EEF1E1: variants seen among roughly 807,000 people sequenced by gnomAD.
The protein encoded by EEF1E1 is eukaryotic translation elongation factor 1 epsilon-1.
Under a neutral mutation model 19.9 loss-of-function variants are expected in EEF1E1, and 19 were observed. That is an observed-to-expected ratio of 0.95 (90% CI 0.66 to 1.40). The LOEUF (loss-of-function observed/expected upper bound fraction) is 1.40. Among genes scored for constraint, EEF1E1 ranks in the 40% most tolerant of loss-of-function variants. The pLI is 0.00. For missense variants in EEF1E1, 198 were observed against 202.2 expected, an observed-to-expected ratio of 0.98 and a Z score of 0.13; for synonymous variants, 81 against 80.0, an observed-to-expected ratio of 1.01 and a Z score of -0.07.
At chr6:8,099,767 C>A (rs1321283982) in intron 1 of EEF1E1, among the ~76,000 whole-genome samples, 4 of 118,000 alleles carry the variant, frequency 3.4e-5, no homozygotes, top group Admixed American at 7.9e-5. Flanking sequence ...CACACACACA[C>A]ACACACACAC....
intron 2 of EEF1E1, among the ~76,000 whole-genome samples, chr6:8,094,345 C>T (rs1269964136): frequency 1.3e-5 from 2 of 151,756 alleles, no homozygotes; most frequent in Non-Finnish European, 2.9e-5. Flanking sequence ...TCCTGTAATC[C>T]CAACACTTCA....
At chr6:8,101,243 A>AAAAAAATATATAT (rs1271033598) in intron 1 of EEF1E1, among the ~76,000 whole-genome samples, 4 of 58,474 alleles carry the variant, frequency 6.8e-5, no homozygotes, top group African/African-American at 2.4e-4. Context: ...AAAAAAAAAA[A>AAAAAAATATATAT]ATATATATAT....
chr6:8,093,913 T>C (rs1758092899), intron 2 of EEF1E1, among the ~76,000 whole-genome samples: 1 of 151,976 alleles, frequency 6.6e-6, no homozygotes, highest in African/African-American at 2.4e-5. Context: ...TTCTCCTGCC[T>C]CAGCCTCCTG....
At chr6:8,102,320 T>A in intron 1 of EEF1E1, 115 bp downstream of exon 1, 3 of 1,100,984 alleles carry the variant, frequency 2.7e-6, no homozygotes, top group Non-Finnish European at 2.5e-6. Context: ...CGTGGGGAGC[T>A]GGGTAGCAGC....
At chr6:8,078,325 G>A (rs1483419642), downstream of EEF1E1, among the ~76,000 whole-genome samples, 1 of 150,228 alleles carries the variant, frequency 6.7e-6, no homozygotes, top group East Asian at 1.9e-4. Context: ...GAAAGAAGGG[G>A]AACGGCTGGT....
rs1554099258 is a variant in EEF1E1 at position 8,092,868 on chromosome 6, G to GTTGTTTTT, written c.289-2588_289-2587insAAAAACAA. 1.4e-4 allele frequency among the ~76,000 whole-genome samples: 15 copies of GTTGTTTTT among 108,202 alleles called. 2 individuals are homozygous for GTTGTTTTT. Among genetic ancestry groups the GTTGTTTTT allele is most frequent in the Non-Finnish European group, 1.9e-4 (10 of 53,752 alleles). 71.0% of individuals were successfully genotyped at this position (108,202 alleles called of 152,430 possible). On this transcript the variant is annotated intron_variant, in intron 2 of 3. Transcript: ENST00000379715. ...GTTTTGTGTTTTAGTGATAAAGACT[G>GTTGTTTTT]CTTTTTTTTTTTTTTTTTTTTTTTG...
At chr6:8,077,759 C>T (rs1757633317), downstream of EEF1E1, among the ~76,000 whole-genome samples, 1 of 152,170 alleles carries the variant, frequency 6.6e-6, no homozygotes, top group African/African-American at 2.4e-5. Context: ...TTTCGCTTTC[C>T]TATCATCTGT....
downstream of EEF1E1, among the ~76,000 whole-genome samples, chr6:8,075,128 G>A (rs1757561301): frequency 6.6e-6 from 1 of 152,182 alleles, no homozygotes; most frequent in Non-Finnish European, 1.5e-5. Flanking sequence ...ATTTGCAGCA[G>A]TGAATCATGA....
chr6:8,078,733 T>G, downstream of EEF1E1: 1 of 1,285,552 alleles, frequency 7.8e-7, no homozygotes, highest in South Asian at 1.2e-5. Flanking sequence ...AAAACAATCA[T>G]GATTTGCCTG....
intron 2 of EEF1E1, among the ~76,000 whole-genome samples, chr6:8,095,215 T>C (rs1042504074): frequency 6.6e-6 from 1 of 152,300 alleles, no homozygotes; most frequent in Non-Finnish European, 1.5e-5. Context: ...AAAAACAGTT[T>C]ACTGGCCAGG....
In EEF1E1 at chr6:8,085,809, G is replaced by A. The variant is rs557440661; in HGVS notation, c.384+4377C>T. ...ATTTTTCTGACAATTTTCTGATTCT[G>A]TATTCTACTTATCTGCCTCATGCAT... On this transcript the variant is annotated intron_variant, in intron 3 of 3. Coordinates refer to ENST00000379715, the MANE Select transcript of EEF1E1 (RefSeq NM_004280.5). 3.5e-4 allele frequency among the ~76,000 whole-genome samples: 53 copies of A among 152,268 alleles called. No individual in the cohort carries two copies. The South Asian group carries it at 0.011, about 32-fold the overall frequency.
intron 3 of EEF1E1, chr6:8,089,964 T>C (rs1757970478): frequency 5.0e-6 from 2 of 397,280 alleles, no homozygotes; most frequent in African/African-American, 4.1e-5. Flanking sequence ...TGATTTAAAT[T>C]CAAGACAAAG....
rs373880171 is a variant in EEF1E1, at chr6:8,073,481, C to T, written c.414G>A (p.Gly138=). The T allele has an allele frequency of 4.6e-4, 709 of 1,551,388 alleles. 3 individuals carry two copies. In the African/African-American group the frequency reaches 7.0e-3, roughly 15 times the overall value. ...TTCCTTGTATGATGTTGGGTTAGTT[C>T]CCTACCTCTGTGTGCCTCAGCTTCC... The change falls in exon 4 of 4, where the codon GGG becomes GGA. Residue 138 remains glycine (G), a synonymous_variant. Coordinates refer to the EEF1E1 transcript ENST00000429723.
intron 3 of EEF1E1, among the ~76,000 whole-genome samples, chr6:8,088,766 C>A (rs568037571): frequency 4.6e-5 from 7 of 152,184 alleles, no homozygotes; most frequent in African/African-American, 1.7e-4. Context: ...GAAAAGGAGA[C>A]AAGATAAGAC....
intron 3 of EEF1E1, among the ~76,000 whole-genome samples, chr6:8,081,228 G>C (rs1192040624): frequency 6.6e-6 from 1 of 152,162 alleles, no homozygotes; most frequent in Non-Finnish European, 1.5e-5. Context: ...ACATACTTAA[G>C]TCCTACACAC....
At chr6:8,101,394 C>T (rs1175682223) in intron 1 of EEF1E1, among the ~76,000 whole-genome samples, 3 of 148,022 alleles carry the variant, frequency 2.0e-5, no homozygotes, top group Admixed American at 6.8e-5. Flanking sequence ...GAGTAGGGGC[C>T]GAAGGGACGG....
At chr6:8,081,448 A>G (rs1275058749) in intron 3 of EEF1E1, among the ~76,000 whole-genome samples, 1 of 152,224 alleles carries the variant, frequency 6.6e-6, no homozygotes, top group Non-Finnish European at 1.5e-5. Flanking sequence ...CACATGAAAG[A>G]ATTACATTAG....
intron 2 of EEF1E1, 114 bp downstream of exon 2, chr6:8,097,153 G>A: frequency 9.9e-7 from 1 of 1,012,890 alleles, no homozygotes; most frequent in South Asian, 1.5e-5. Context: ...GCAAACTACT[G>A]AGGCAGAAGG....
intron 2 of EEF1E1, among the ~76,000 whole-genome samples, chr6:8,092,064 G>A (rs1214813392): frequency 6.6e-6 from 1 of 152,214 alleles, no homozygotes; most frequent in Non-Finnish European, 1.5e-5. Context: ...TCACTTGGTG[G>A]AAGGGGTGAG....
Sources: allele counts gnomAD v4.1 joint callset (sites outside exome capture counted in the v4.1 genomes callset), GRCh38; gene constraint gnomAD v4.1.1; transcripts MANE v1.5; gene names NCBI Gene and HGNC (gene_info 2026-07-23, HGNC 2026-07-21).